Variants in MYO1H observed in about 807,000 individuals in gnomAD.
MYO1H encodes the protein myosin IH, also known as unconventional myosin-Ih.
A neutral mutation model predicts 149.3 loss-of-function variants in MYO1H; 118 were observed. The observed-to-expected ratio is 0.79, with a 90% CI of 0.68 to 0.92. MYO1H has a LOEUF of 0.92. MYO1H is among the 40% of genes least tolerant of loss of function. MYO1H has a pLI of 0.00. For missense variants in MYO1H, 1,212 were observed against 1,280.7 expected (o/e 0.95, Z 0.82); for synonymous variants, 447 against 465.2 (o/e 0.96, Z 0.50).
chr12:109,383,247 G>T (rs1253208280), intron 1 of MYO1H, among the ~76,000 whole-genome samples: 2 of 152,178 alleles, frequency 1.3e-5, no homozygotes, highest in South Asian at 2.1e-4. Context: ...CAGCTTCAAG[G>T]CTTATCATCT....
At chr12:109,366,990 AT>A (rs1352635302) in intron 1 of MYO1H, among the ~76,000 whole-genome samples, 5 of 152,240 alleles carry the variant, frequency 3.3e-5, no homozygotes, top group Non-Finnish European at 7.3e-5. Context: ...TAATGCAAAT[AT>A]TCCAAAATCA....
intron 15 of MYO1H, among the ~76,000 whole-genome samples, chr12:109,420,635 C>G (rs1287737295): frequency 6.6e-6 from 1 of 152,160 alleles, no homozygotes; most frequent in Non-Finnish European, 1.5e-5. Flanking sequence ...CCAACCAGGC[C>G]CCTCTTCCAA....
chr12:109,313,266 A>T, the MYO1H span, among the ~76,000 whole-genome samples: 5 of 152,084 alleles, frequency 3.3e-5, no homozygotes, highest in Non-Finnish European at 7.4e-5. Flanking sequence ...AACCAAAAAA[A>T]ACCCCACAAG....
At chr12:109,340,355 G>GTA in the MYO1H span, among the ~76,000 whole-genome samples, 2 of 152,102 alleles carry the variant, frequency 1.3e-5, no homozygotes, top group Non-Finnish European at 2.9e-5. Context: ...TTTTAATAGA[G>GTA]ATAGGGTTTC....
intron 2 of MYO1H, among the ~76,000 whole-genome samples, chr12:109,390,542 T>C (rs1433999350): frequency 2.0e-5 from 3 of 152,136 alleles, no homozygotes; most frequent in Admixed American, 6.5e-5. Flanking sequence ...AGTAAGTACT[T>C]GAAAAACTTG....
chr12:109,415,683 G>T, intron 15 of MYO1H, 63 bp downstream of exon 15: 2 of 1,231,562 alleles, frequency 1.6e-6, no homozygotes, highest in Admixed American at 2.5e-5. Context: ...CTTACAATAA[G>T]CTCCGAGTCC....
intron 3 of MYO1H, 118 bp from the exon 4 acceptor site, chr12:109,396,266 C>G: frequency 1.3e-6 from 1 of 781,424 alleles, no homozygotes. Context: ...TGTCCTTGTA[C>G]CACAGTCTGG....
the MYO1H span, among the ~76,000 whole-genome samples, chr12:109,327,766 A>G: frequency 1.4e-5 from 2 of 144,628 alleles, no homozygotes; most frequent in Non-Finnish European, 1.5e-5. Context: ...AAGAAAGAAA[A>G]AAAAGAAAAA....
intron 23 of MYO1H, 100 bp from the exon 24 acceptor site, chr12:109,439,531 T>A: frequency 1.2e-6 from 1 of 852,350 alleles, no homozygotes; most frequent in Non-Finnish European, 1.7e-6. Flanking sequence ...CTCCACAGCC[T>A]CTACCACTTT....
chr12:109,392,259 A>G (rs891489548), intron 2 of MYO1H, among the ~76,000 whole-genome samples: 18 of 152,160 alleles, frequency 1.2e-4, no homozygotes, highest in Non-Finnish European at 2.4e-4. Flanking sequence ...CATCTTCGAC[A>G]TCCTCTCTTG....
chr12:109,335,088 A>T, the MYO1H span, among the ~76,000 whole-genome samples: 2 of 152,210 alleles, frequency 1.3e-5, no homozygotes, highest in Non-Finnish European at 2.9e-5. Context: ...GCATGTAGCG[A>T]TACTTCGCTC....
intron 1 of MYO1H, among the ~76,000 whole-genome samples, chr12:109,349,979 A>AAGT (rs1566016246): frequency 2.1e-5 from 3 of 144,788 alleles, no homozygotes; most frequent in African/African-American, 7.7e-5. Flanking sequence ...AAAAAAGTTA[A>AAGT]TATTATTATT....
the MYO1H span, among the ~76,000 whole-genome samples, chr12:109,331,931 T>C: frequency 6.6e-6 from 1 of 152,218 alleles, no homozygotes. Flanking sequence ...AAGATCAGAT[T>C]TTGGTGCTGT....
chr12:109,435,088 C>A (rs1454700290), exon 21 of MYO1H: 1 of 1,608,802 alleles, frequency 6.2e-7, no homozygotes, highest in African/African-American at 1.3e-5. Flanking sequence ...CCGAAGATGC[C>A]TTTGAATTTA....
intron 31 of MYO1H, 174 bp from the exon 32 acceptor site, chr12:109,446,985 A>G (rs1011896637): frequency 6.0e-6 from 4 of 665,566 alleles, no homozygotes; most frequent in Non-Finnish European, 1.1e-5. Flanking sequence ...GAAGAGGCTG[A>G]CAGGCCTCGA....
Position 109,425,928 on chromosome 12 carries a change from T to C in MYO1H, c.1726-18T>C, listed in dbSNP as rs10774694. ...TCTCTCTGGCTCGTTCTCTCTCTCT[T>C]TCTCTCTCTCTCTGCAGGTGGGGAC... On this transcript the variant is annotated intron_variant, in intron 17 of 31. Transcript: ENST00000310903. The C allele has an allele frequency of 1.0e-4, 140 of 1,403,868 alleles. No homozygotes were observed. The highest frequency in any genetic ancestry group is 1.3e-4 in the Non-Finnish European group (134 of 1,008,100). 87.0% of individuals were successfully genotyped at this position (1,403,868 alleles called of 1,614,324 possible).
At chr12:109,359,085 T>G (rs1868679749) in intron 1 of MYO1H, among the ~76,000 whole-genome samples, 1 of 152,096 alleles carries the variant, frequency 6.6e-6, no homozygotes, top group Non-Finnish European at 1.5e-5. Context: ...GGCCTTCCGC[T>G]ACGGGAGGGC....
At position 109,393,370 on chromosome 12, in the gene MYO1H, CA is replaced by C. The variant is rs1287144312; in HGVS notation, c.215del (p.Gln72ArgfsTer8). ...CCTCCTTGTGTCTGTGAATCCATAC[CA>C]GGAGCTCGGAATCTACACTGTGAGC... is the stretch of plus-strand genomic sequence containing the variant. On this transcript the variant is annotated frameshift_variant, in exon 3 of 32. Coordinates refer to ENST00000310903, the Ensembl canonical transcript of MYO1H. LOFTEE classifies it high-confidence loss of function. 1.3e-5 allele frequency: 20 copies of C among 1,586,254 alleles called. No individual in the cohort carries two copies. Among genetic ancestry groups the C allele is most frequent in the Admixed American group, 8.9e-5 (5 of 55,886 alleles).
chr12:109,411,006 A>G (rs1034554441), intron 13 of MYO1H, among the ~76,000 whole-genome samples: 7 of 152,152 alleles, frequency 4.6e-5, no homozygotes, highest in South Asian at 2.1e-4. Flanking sequence ...GCCGGGCATG[A>G]TGGCATGCGC....
Sources: allele counts gnomAD v4.1 joint callset (sites outside exome capture counted in the v4.1 genomes callset), GRCh38; gene constraint gnomAD v4.1.1; transcripts MANE v1.5; gene names NCBI Gene and HGNC (gene_info 2026-07-23, HGNC 2026-07-21).